Variants in CRY1 observed in about 807,000 individuals in gnomAD.
CRY1 encodes cryptochrome circadian regulator 1.
Under a neutral mutation model 76.0 loss-of-function variants are expected in CRY1, and 45 were observed. The ratio of observed to expected loss-of-function variants is 0.59; its 90% CI spans 0.47 to 0.76. CRY1 has a LOEUF of 0.76. CRY1 is among the 30% of genes least tolerant of loss of function. The pLI is 0.00. For missense variants in CRY1, 587 were observed against 716.4 expected (o/e 0.82, Z 2.06); for synonymous variants, 248 against 244.0 (o/e 1.02, Z -0.15).
chr12:106,995,807 G>GC (rs1282095761), intron 10 of CRY1, among the ~76,000 whole-genome samples: 1 of 151,908 alleles, frequency 6.6e-6, no homozygotes, highest in East Asian at 1.9e-4. Context: ...TGCTCTCCCT[G>GC]CCCCTGCCCC....
At chr12:107,021,328 A>G (rs1952555510) in intron 2 of CRY1, among the ~76,000 whole-genome samples, 1 of 152,184 alleles carries the variant, frequency 6.6e-6, no homozygotes, top group Admixed American at 6.5e-5. Flanking sequence ...ATTATTGGTA[A>G]AATGTCCATT....
chr12:106,993,139 T>C, intron 10 of CRY1, 103 bp from the exon 11 acceptor site: 1 of 1,010,684 alleles, frequency 9.9e-7, no homozygotes, highest in Non-Finnish European at 1.5e-6. Context: ...CTTAAGGTCA[T>C]TTATATGCTT....
At chr12:107,019,793 C>T (rs905916728) in intron 2 of CRY1, among the ~76,000 whole-genome samples, 1 of 151,914 alleles carries the variant, frequency 6.6e-6, no homozygotes, top group Non-Finnish European at 1.5e-5. Context: ...TGGTGGTATA[C>T]AGCTGCAGTC....
chr12:107,022,784 A>G (rs888686374), intron 1 of CRY1, among the ~76,000 whole-genome samples: 7 of 151,930 alleles, frequency 4.6e-5, no homozygotes, highest in African/African-American at 1.4e-4. Context: ...GAAACTAATA[A>G]GTAGATGCCA....
intron 1 of CRY1, among the ~76,000 whole-genome samples, chr12:107,047,990 A>G (rs975446537): frequency 6.6e-6 from 1 of 152,252 alleles, no homozygotes; most frequent in Admixed American, 6.5e-5. Flanking sequence ...GACAAAATTG[A>G]CAAACCAATA....
chr12:107,075,914 GAA>G (rs750927937), intron 1 of CRY1, among the ~76,000 whole-genome samples: 5 of 152,152 alleles, frequency 3.3e-5, no homozygotes, highest in Non-Finnish European at 7.3e-5. Context: ...ACAAAAAGAA[GAA>G]AGGGTAGCTC....
intron 2 of CRY1, among the ~76,000 whole-genome samples, chr12:107,005,725 T>C (rs1177550560): frequency 6.6e-6 from 1 of 152,194 alleles, no homozygotes; most frequent in African/African-American, 2.4e-5. Context: ...ACCTTTGATA[T>C]TGATATGGTA....
At chr12:107,016,945 C>T (rs1472977619) in intron 2 of CRY1, among the ~76,000 whole-genome samples, 1 of 152,180 alleles carries the variant, frequency 6.6e-6, no homozygotes, top group East Asian at 1.9e-4. Context: ...TACCACTTCT[C>T]AACACCTCTA....
At chr12:106,995,904 C>T (rs560877204) in intron 10 of CRY1, among the ~76,000 whole-genome samples, 51 of 152,210 alleles carry the variant, frequency 3.4e-4, no homozygotes, top group Non-Finnish European at 4.6e-4. Context: ...AGTGCAATGG[C>T]GCGATCTCAG....
chr12:107,014,303 C>T (rs957274503), intron 2 of CRY1, among the ~76,000 whole-genome samples: 2 of 152,148 alleles, frequency 1.3e-5, no homozygotes, highest in East Asian at 3.8e-4. Context: ...TAGGCTTACA[C>T]AGAAATTCAC....
chr12:107,036,519 G>A (rs577496727), intron 1 of CRY1, among the ~76,000 whole-genome samples: 5 of 151,528 alleles, frequency 3.3e-5, no homozygotes, highest in African/African-American at 9.7e-5. Context: ...GATGCCAAGT[G>A]GTCATGTCAT....
At chr12:107,037,831 C>G (rs1952753578) in intron 1 of CRY1, among the ~76,000 whole-genome samples, 1 of 152,134 alleles carries the variant, frequency 6.6e-6, no homozygotes, top group African/African-American at 2.4e-5. Context: ...ACCTCAGCCT[C>G]CCAAGTAGCT....
At chr12:107,089,062 C>T (rs920452695) in intron 1 of CRY1, among the ~76,000 whole-genome samples, 15 of 152,256 alleles carry the variant, frequency 9.9e-5, no homozygotes, top group African/African-American at 1.7e-4. Flanking sequence ...ATACATGTAG[C>T]GTATATCAGT....
chr12:107,017,293 T>C (rs902645403), intron 2 of CRY1, among the ~76,000 whole-genome samples: 8 of 152,264 alleles, frequency 5.3e-5, no homozygotes, highest in Non-Finnish European at 1.2e-4. Flanking sequence ...AAACAAATCA[T>C]GCACATGTCT....
Position 107,092,795 on chromosome 12 carries a change from G to A in CRY1, c.158+9C>T, listed in dbSNP as rs1483087476. On this transcript the variant is annotated intron_variant, in intron 1 of 12. Coordinates refer to ENST00000008527, the MANE Select transcript of CRY1 (RefSeq NM_004075.5). ...ACCCAAATCCATTTCCCACGGGCTT[G>A]TGACTCACCGCCACCTGTTGATGCC... 2.5e-6 allele frequency: 4 copies of A among 1,611,426 alleles called. No homozygotes were observed. The highest frequency in any genetic ancestry group is 3.4e-6 in the Non-Finnish European group (4 of 1,179,728).
chr12:107,049,638 A>G (rs1231285558), intron 1 of CRY1: 3 of 152,236 alleles, frequency 2.0e-5, no homozygotes, highest in African/African-American at 4.8e-5. Flanking sequence ...TCGGCCTCCC[A>G]AAGTGCTGGA....
intron 1 of CRY1, among the ~76,000 whole-genome samples, chr12:107,066,165 G>A (rs1179457429): frequency 1.3e-5 from 2 of 152,154 alleles, no homozygotes; most frequent in Admixed American, 6.5e-5. Flanking sequence ...CCGAAACTGG[G>A]AAAGTGAAGA....
chr12:106,999,909 T>C (rs2136821796), intron 6 of CRY1, 33 bp downstream of exon 6: 2 of 1,591,650 alleles, frequency 1.3e-6, no homozygotes, highest in Non-Finnish European at 8.5e-7. Context: ...TTTTTTAAAG[T>C]ATTAAACAAT....
intron 10 of CRY1, among the ~76,000 whole-genome samples, chr12:106,995,612 C>T (rs1952225389): frequency 6.6e-6 from 1 of 152,028 alleles, no homozygotes; most frequent in Admixed American, 6.6e-5. Flanking sequence ...ATTTTATGCT[C>T]TTTTATCACA....
Sources: allele counts gnomAD v4.1 joint callset (sites outside exome capture counted in the v4.1 genomes callset), GRCh38; gene constraint gnomAD v4.1.1; transcripts MANE v1.5; gene names NCBI Gene and HGNC (gene_info 2026-07-23, HGNC 2026-07-21).